KMO: variants seen among roughly 807,000 people sequenced by gnomAD.
KMO encodes the protein kynurenine 3-monooxygenase.
KMO carries 24 observed loss-of-function variants against 57.8 expected under a neutral mutation model. The ratio of observed to expected loss-of-function variants is 0.42; its 90% CI spans 0.30 to 0.58. The LOEUF (loss-of-function observed/expected upper bound fraction) is 0.58. Ranked by LOEUF, KMO falls within the 20% of genes least tolerant of loss-of-function variation. The pLI, the probability that KMO is intolerant of heterozygous loss-of-function variation, is 0.22. For synonymous variants in KMO, 210 were observed against 193.6 expected (o/e 1.08, Z -0.70); for missense variants, 483 against 588.2 (o/e 0.82, Z 1.85).
At chr1:241,577,826 A>G (rs1662581755) in intron 10 of KMO, among the ~76,000 whole-genome samples, 2 of 152,130 alleles carry the variant, frequency 1.3e-5, no homozygotes, top group African/African-American at 4.8e-5. Flanking sequence ...CAGCCTTGAC[A>G]GAGGTGGTTG....
chr1:241,566,375 C>A, intron 8 of KMO, 116 bp from the exon 9 acceptor site: 1 of 1,155,068 alleles, frequency 8.7e-7, no homozygotes, highest in Non-Finnish European at 1.2e-6. Flanking sequence ...TCTGCTTGGA[C>A]ATTCCTTCCA....
chr1:241,574,750 T>A (rs1662444138), intron 10 of KMO, among the ~76,000 whole-genome samples: 1 of 151,900 alleles, frequency 6.6e-6, no homozygotes, highest in African/African-American at 2.4e-5. Context: ...GTCTTCTCCT[T>A]GTTTTGGTAT....
At chr1:241,567,697 G>A (rs945566772) in intron 9 of KMO, among the ~76,000 whole-genome samples, 1 of 152,160 alleles carries the variant, frequency 6.6e-6, no homozygotes, top group Admixed American at 6.5e-5. Context: ...CCCATAGCAG[G>A]TCTTTTAAAA....
At chr1:241,583,705 C>A (rs926769115) in intron 10 of KMO, among the ~76,000 whole-genome samples, 126 of 152,076 alleles carry the variant, frequency 8.3e-4, no homozygotes, top group African/African-American at 2.8e-3. Flanking sequence ...TATTTGTATT[C>A]TTTTTTGTTG....
chr1:241,568,517 A>G lies in KMO; in HGVS notation c.827A>G (p.Asp276Gly). ...CTTTGAAGGAAACTCCTAGTGCAAG[A>G]TTTCTTCCTGTTGCCTGCCCAGCCC... ...PLIGEKLLVQ[D>G]FFLLPAQPMI... Residue 276 changes from aspartate to glycine, a missense_variant, in exon 10 of 15, where the codon GAT becomes GGT. This residue lies in a region of KMO where 410 missense variants were observed against 492.3 expected (regional missense o/e 0.83). Transcript: ENST00000366559. 6.2e-7 allele frequency: 1 copy of G among 1,613,802 alleles called. No individual in the cohort carries two copies. The highest frequency in any genetic ancestry group is 8.5e-7 in the Non-Finnish European group (1 of 1,179,810).
At position 241,562,361 on chromosome 1, in the gene KMO, C is replaced by G. The variant is rs375343306; in HGVS notation, c.615+29C>G. The G allele has an allele frequency of 1.9e-5, 31 of 1,610,080 alleles. No homozygotes were observed. The African/African-American group carries it at 2.8e-4, about 15-fold the overall frequency. On this transcript the variant is annotated intron_variant, in intron 7 of 14. Transcript: ENST00000366559. ...AGTCCTTGCCCTTTTTCAACCCCTT[C>G]CCACAACCCTTGCTCCATGAGCGCG...
Position 241,582,302 on chromosome 1 carries a change from T to G in KMO, c.958-4377T>G, listed in dbSNP as rs899695886. 1.2e-3 allele frequency among the ~76,000 whole-genome samples: 187 copies of G among 152,224 alleles called. 6 individuals carry two copies. The highest frequency in any genetic ancestry group is 1.0e-4 in the Non-Finnish European group (7 of 68,032). Reference sequence around the variant, plus strand: ...TGATCTTCTTGTAGCTGGATATTCATATCTTTCTCTAGGTTTGGGAAGTTT... The same window carrying G: ...TGATCTTCTTGTAGCTGGATATTCAGATCTTTCTCTAGGTTTGGGAAGTTT... On this transcript the variant is annotated intron_variant, in intron 10 of 14. Coordinates refer to ENST00000366559, the MANE Select transcript of KMO (RefSeq NM_003679.5).
rs531100912 is a variant in KMO at position 241,574,520 on chromosome 1, G to A, written c.957+5873G>A. Among the ~76,000 whole-genome samples, 5 of 117,390 alleles carry A rather than the reference G, an allele frequency of 4.3e-5. No individual in the cohort carries two copies. In the South Asian group the frequency reaches 1.7e-3, roughly 39 times the overall value. 77.0% of individuals were successfully genotyped at this position (117,390 alleles called of 152,430 possible). A position where few individuals can be genotyped will look rare whatever the true frequency, so the allele number is the denominator to read the frequency against. On this transcript the variant is annotated intron_variant, in intron 10 of 14. Coordinates refer to ENST00000366559, the MANE Select transcript of KMO (RefSeq NM_003679.5). The stretch of plus-strand genomic sequence containing the variant: ...AGAATGCTTTTTCTGCAACTGTAGA[G>A]ATGATCATATGGTTTTTTTTTTAAT...
At chr1:241,568,742 A>G in intron 10 of KMO, 95 bp downstream of exon 10, 1 of 1,150,996 alleles carries the variant, frequency 8.7e-7, no homozygotes, top group East Asian at 2.6e-5. Flanking sequence ...GACTATCCCC[A>G]CATAATCCCT....
chr1:241,574,966 G>A (rs1662450800), intron 10 of KMO, among the ~76,000 whole-genome samples: 1 of 151,894 alleles, frequency 6.6e-6, no homozygotes, highest in Admixed American at 6.6e-5. Flanking sequence ...GTCCATTCAA[G>A]GTTTCTATTT....
At chr1:241,567,806 TG>T (rs1484238682) in intron 9 of KMO, among the ~76,000 whole-genome samples, 1 of 152,212 alleles carries the variant, frequency 6.6e-6, no homozygotes, top group Non-Finnish European at 1.5e-5. Context: ...AATTAGACCT[TG>T]TGTACTTTCA....
chr1:241,592,728 C>CTA lies in KMO; in HGVS notation c.*577_*578dup, dbSNP rs1192361917. 1.9e-5 allele frequency: 3 copies of CTA among 155,012 alleles called. No homozygotes were observed. The highest frequency in any genetic ancestry group is 7.3e-5 in the African/African-American group (3 of 41,234). 9.6% of individuals were successfully genotyped at this position (155,012 alleles called of 1,614,324 possible). On this transcript the variant is annotated 3_prime_UTR_variant, in exon 15 of 15. Coordinates refer to ENST00000366559, the MANE Select transcript of KMO (RefSeq NM_003679.5). ...TATCATCTATCTGTTTATCGTCTAT[C>CTA]TATCTATCATCTATCTATCTATCTA...
At position 241,548,942 on chromosome 1, in the gene KMO, G is replaced by A. The variant is rs1415106761; in HGVS notation, c.124+44G>A. The A allele has an allele frequency of 3.7e-6, 5 of 1,334,698 alleles. No individual in the cohort carries two copies. The Admixed American group carries it at 5.1e-5, about 14-fold the overall frequency. 82.7% of individuals were successfully genotyped at this position (1,334,698 alleles called of 1,614,324 possible). On this transcript the variant is annotated intron_variant, in intron 2 of 14. Transcript: ENST00000366559. ...AAGCAGGATGAACGCTGGGCACGGT[G>A]GCTCCTGGCACTTTGGGAGGCCAGG...
chr1:241,552,064 C>T (rs1661422078), intron 4 of KMO, among the ~76,000 whole-genome samples: 1 of 151,810 alleles, frequency 6.6e-6, no homozygotes, highest in African/African-American at 2.4e-5. Flanking sequence ...AGTAATGTAT[C>T]CATAGATAAG....
chr1:241,545,928 G>T (rs1457246970), intron 1 of KMO, among the ~76,000 whole-genome samples: 1 of 152,174 alleles, frequency 6.6e-6, no homozygotes, highest in Non-Finnish European at 1.5e-5. Context: ...ATGGCTAAAA[G>T]AAGGATAGCA....
At position 241,560,331 on chromosome 1, in the gene KMO, G is replaced by A. The variant is rs115101729; in HGVS notation, c.362-334G>A. Among the ~76,000 whole-genome samples, 1,177 of 152,282 alleles carry A rather than the reference G, an allele frequency of 7.7e-3. 14 individuals carry two copies. The highest frequency in any genetic ancestry group is 0.027 in the African/African-American group (1,121 of 41,558). ...ATATTTCCAGTCACAACAAAGCCTC[G>A]GATTAGAGGCGACTTCTGAAATATG... is the stretch of plus-strand genomic sequence containing the variant. On this transcript the variant is annotated intron_variant, in intron 5 of 14. Transcript: ENST00000366559.
chr1:241,581,241 T>C (rs1662737555), intron 10 of KMO, among the ~76,000 whole-genome samples: 2 of 152,140 alleles, frequency 1.3e-5, no homozygotes, highest in Non-Finnish European at 2.9e-5. Context: ...GAATTTCTTG[T>C]AGGCAGCATA....
At chr1:241,575,181 A>G (rs1213475947) in intron 10 of KMO, among the ~76,000 whole-genome samples, 1 of 152,032 alleles carries the variant, frequency 6.6e-6, no homozygotes, top group African/African-American at 2.4e-5. Context: ...AAACTAGCTA[A>G]TGATCTATTG....
chr1:241,590,323 A>G, intron 14 of KMO, 60 bp downstream of exon 14: 6 of 1,310,892 alleles, frequency 4.6e-6, no homozygotes, highest in South Asian at 1.2e-5. Flanking sequence ...TCATAGTATT[A>G]TGATTATGTT....
Sources: gnomAD v4.1 joint callset for allele counts (sites outside exome capture counted in the v4.1 genomes callset) on GRCh38, gnomAD v4.1.1 for gene constraint, gnomAD v4.1.1 regional missense constraint, MANE v1.5 for transcripts, NCBI Gene and HGNC (gene_info 2026-07-23, HGNC 2026-07-21) for gene names.